Variants in FBXO32 observed in about 807,000 individuals in gnomAD.
FBXO32 encodes the protein F-box only protein 32.
A neutral mutation model predicts 48.3 loss-of-function variants in FBXO32; 15 were observed. The ratio of observed to expected loss-of-function variants is 0.31; its 90% CI spans 0.21 to 0.48. The LOEUF (loss-of-function observed/expected upper bound fraction) is 0.48, where lower values mean the gene tolerates loss of function less well. Among genes scored for constraint, FBXO32 ranks in the 20% least tolerant of loss-of-function variants. The pLI is 0.99. For missense variants in FBXO32, 309 were observed against 432.7 expected (o/e 0.71, Z 2.54); for synonymous variants, 154 against 165.9 (o/e 0.93, Z 0.55).
chr8:123,538,818 T>C (rs1817358733), intron 1 of FBXO32, among the ~76,000 whole-genome samples: 1 of 151,980 alleles, frequency 6.6e-6, no homozygotes, highest in African/African-American at 2.4e-5. Context: ...AAGAGGCTCA[T>C]GAACAGGACA....
chr8:123,498,838 A>C lies in FBXO32; in HGVS notation c.*4535T>G, dbSNP rs932383294. On this transcript the variant is annotated 3_prime_UTR_variant, in exon 9 of 9. Transcript: ENST00000517956. Reference sequence around the variant, plus strand: ...TCTTTATAGCAAGCAGGTTGTACTCACTGGAATGCCACATTCACAACAGAA... The same window carrying C: ...TCTTTATAGCAAGCAGGTTGTACTCCCTGGAATGCCACATTCACAACAGAA... 6.6e-6 allele frequency: 1 copy of C among 152,218 alleles called. No homozygotes were observed. Among genetic ancestry groups the C allele is most frequent in the African/African-American group, 2.4e-5 (1 of 41,456 alleles). 9.4% of individuals were successfully genotyped at this position (152,218 alleles called of 1,614,324 possible).
intron 4 of FBXO32, among the ~76,000 whole-genome samples, chr8:123,518,331 C>T (rs542992825): frequency 5.9e-5 from 9 of 152,258 alleles, no homozygotes; most frequent in Admixed American, 1.3e-4. Context: ...TACCATAATA[C>T]AGAGCATTAC....
chr8:123,528,627 A>G (rs1007871549), intron 4 of FBXO32, among the ~76,000 whole-genome samples: 1 of 152,220 alleles, frequency 6.6e-6, no homozygotes, highest in African/African-American at 2.4e-5. Context: ...TTATATAAAC[A>G]TCTTTCTAAG....
chr8:123,538,004 C>G (rs1178479223), intron 1 of FBXO32, among the ~76,000 whole-genome samples: 2 of 152,118 alleles, frequency 1.3e-5, no homozygotes, highest in Admixed American at 1.3e-4. Flanking sequence ...TGGATCATCC[C>G]AATTCACGCC....
chr8:123,533,382 G>A (rs1817247440), intron 2 of FBXO32, 142 bp from the exon 3 acceptor site: 5 of 668,820 alleles, frequency 7.5e-6, no homozygotes, highest in Non-Finnish European at 1.3e-5. Flanking sequence ...AGTTTCAAGT[G>A]CTTAATTTCT....
chr8:123,537,680 G>T (rs117766100), intron 1 of FBXO32, among the ~76,000 whole-genome samples: 5,820 of 152,212 alleles, frequency 0.038, 154 homozygotes, highest in Non-Finnish European at 0.059. Context: ...GCTAGCACCC[G>T]GAATGCTCTG....
intron 1 of FBXO32, among the ~76,000 whole-genome samples, chr8:123,535,515 C>A (rs926320448): frequency 2.6e-5 from 4 of 152,274 alleles, no homozygotes; most frequent in African/African-American, 9.6e-5. Flanking sequence ...ACAAGGTAAA[C>A]TTATAATTGA....
At chr8:123,511,481 T>C (rs1407010363) in intron 6 of FBXO32, among the ~76,000 whole-genome samples, 1 of 141,226 alleles carries the variant, frequency 7.1e-6, no homozygotes, top group Non-Finnish European at 1.6e-5. Flanking sequence ...AGGTTTTTTG[T>C]TTTTTTTTTT....
chr8:123,534,619 G>A, intron 2 of FBXO32, 83 bp downstream of exon 2: 1 of 798,540 alleles, frequency 1.3e-6, no homozygotes, highest in Non-Finnish European at 2.1e-6. Flanking sequence ...TGTGACATGG[G>A]AGGTGTTATT....
At position 123,514,331 on chromosome 8, in the gene FBXO32, C is replaced by A. The variant is rs781055320; in HGVS notation, c.375G>T (p.Leu125=). Residue 125 remains leucine, a splice_region_variant and synonymous_variant, in exon 5 of 9, where the codon CTG becomes CTT. Coordinates refer to ENST00000517956, the MANE Select transcript of FBXO32 (RefSeq NM_058229.4). ...GCTGTGACTTTGCTATCAGCTCCAACAGCTGAGGATAAAAATAGAAGTTGC... is the reference window on the plus strand; with the variant it reads ...GCTGTGACTTTGCTATCAGCTCCAAAAGCTGAGGATAAAAATAGAAGTTGC... The part of the protein sequence containing the change: ...DSRRFNYVVR[L]LELIAKSQLT... 3 of 1,610,010 alleles carry A rather than the reference C, an allele frequency of 1.9e-6. 1 individual carries two copies. In the South Asian group the frequency reaches 3.3e-5, roughly 18 times the overall value.
intron 4 of FBXO32, among the ~76,000 whole-genome samples, chr8:123,520,131 G>C (rs1478994056): frequency 6.6e-6 from 1 of 152,142 alleles, no homozygotes; most frequent in East Asian, 1.9e-4. Flanking sequence ...TGCGTGCCTA[G>C]GAAAGTAGGT....
intron 6 of FBXO32, among the ~76,000 whole-genome samples, chr8:123,510,512 C>T (rs999183954): frequency 2.0e-5 from 3 of 152,080 alleles, no homozygotes; most frequent in Admixed American, 1.3e-4. Context: ...ACCGGGGAGT[C>T]TAAGGTAGAA....
rs1816488430 is a variant in FBXO32, at chr8:123,501,559, T to A, written c.*1814A>T. ...GAAAAAAACTGGAGAAATTCTGGCG[T>A]AGCACAAACATTGCAAAGTGAGGAG... On this transcript the variant is annotated 3_prime_UTR_variant, in exon 9 of 9. Coordinates refer to ENST00000517956, the MANE Select transcript of FBXO32 (RefSeq NM_058229.4). 1 of 152,186 alleles carries A rather than the reference T, an allele frequency of 6.6e-6. No individual in the cohort carries two copies. Among genetic ancestry groups the A allele is most frequent in the Admixed American group, 6.5e-5 (1 of 15,286 alleles). The allele number at this position is 152,186 out of a possible 1,614,324, so 9.4% of individuals were successfully genotyped here.
In FBXO32 at chr8:123,513,189, C is replaced by T. The variant is rs752025647; in HGVS notation, c.651+9G>A. ...CACTGCCGGGAGGAGGCTGGGCCTG[C>T]CCGCTTACCCTGGTGATCTGAATGT... On this transcript the variant is annotated intron_variant, in intron 6 of 8. Coordinates refer to ENST00000517956, the MANE Select transcript of FBXO32 (RefSeq NM_058229.4). The surrounding 1 kb of genome is among the most constrained non-coding windows in gnomAD (Gnocchi z 4.3). 1 of 1,613,910 alleles carries T rather than the reference C, an allele frequency of 6.2e-7. No individual in the cohort carries two copies. The highest frequency in any genetic ancestry group is 1.1e-5 in the South Asian group (1 of 91,066).
At chr8:123,537,106 T>C (rs1817323293) in intron 1 of FBXO32, among the ~76,000 whole-genome samples, 1 of 152,208 alleles carries the variant, frequency 6.6e-6, no homozygotes, top group Non-Finnish European at 1.5e-5. Context: ...TTTTAAGCAA[T>C]AATATATTCA....
intron 1 of FBXO32, among the ~76,000 whole-genome samples, chr8:123,539,926 C>T (rs556918378): frequency 2.0e-5 from 3 of 152,220 alleles, no homozygotes; most frequent in South Asian, 2.1e-4. Context: ...CCCCGCTCAC[C>T]GGGCTAAATG....
chr8:123,507,263 C>G (rs2130504477), intron 6 of FBXO32, among the ~76,000 whole-genome samples: 1 of 152,256 alleles, frequency 6.6e-6, no homozygotes, highest in East Asian at 1.9e-4. Context: ...AAGGAACATT[C>G]TTGCTGGAAC....
chr8:123,513,623 G>T lies in FBXO32; in HGVS notation c.467-241C>A, dbSNP rs1816780185. Among the ~76,000 whole-genome samples, 1 of 152,060 alleles carries T rather than the reference G, an allele frequency of 6.6e-6. No individual in the cohort carries two copies. Among genetic ancestry groups the T allele is most frequent in the Non-Finnish European group, 1.5e-5 (1 of 68,030 alleles). ...TCTCTTCTCTCTCATTTTCTATAAA[G>T]CCTCTTTCTCTTTTCATTGTTCTCC... On this transcript the variant is annotated intron_variant, in intron 5 of 8. Coordinates refer to ENST00000517956, the MANE Select transcript of FBXO32 (RefSeq NM_058229.4). This position sits in a 1 kb window ranked among gnomAD's most constrained non-coding sequence, Gnocchi z 4.3.
chr8:123,531,355 C>T (rs1443490124), intron 4 of FBXO32, among the ~76,000 whole-genome samples: 1 of 152,204 alleles, frequency 6.6e-6, no homozygotes, highest in African/African-American at 2.4e-5. Flanking sequence ...AAGGGAACCA[C>T]AGGCACAAAA....
Sources: gnomAD v4.1 joint callset for allele counts (sites outside exome capture counted in the v4.1 genomes callset) on GRCh38, gnomAD v4.1.1 for gene constraint, Gnocchi (gnomAD v3.1) non-coding constraint, MANE v1.5 for transcripts, NCBI Gene and HGNC (gene_info 2026-07-23, HGNC 2026-07-21) for gene names.